Variants in BRINP3 observed in about 807,000 individuals in gnomAD.
BRINP3 encodes BMP/retinoic acid-inducible neural-specific protein 3.
Under a neutral mutation model 71.0 loss-of-function variants are expected in BRINP3, and 19 were observed. The ratio of observed to expected loss-of-function variants is 0.27; its 90% CI spans 0.19 to 0.39. BRINP3 has a LOEUF of 0.39. Among genes scored for constraint, BRINP3 ranks in the 10% least tolerant of loss-of-function variants. The pLI, the probability that BRINP3 is intolerant of heterozygous loss-of-function variation, is 1.00. For synonymous variants in BRINP3, 380 were observed against 337.7 expected (o/e 1.13, Z -1.37); for missense variants, 959 against 940.8 (o/e 1.02, Z -0.25).
intron 4 of BRINP3, among the ~76,000 whole-genome samples, chr1:190,250,977 G>A (rs536164238): frequency 8.0e-4 from 121 of 152,018 alleles, no homozygotes; most frequent in African/African-American, 2.8e-3. Flanking sequence ...AACAATTTGG[G>A]TGGTGAAGAT....
chr1:190,117,636 A>C (rs1653260870), intron 7 of BRINP3, among the ~76,000 whole-genome samples: 1 of 152,050 alleles, frequency 6.6e-6, no homozygotes, highest in Non-Finnish European at 1.5e-5. Flanking sequence ...TTCAGTGTAT[A>C]TCCTCAAATT....
intron 2 of BRINP3, among the ~76,000 whole-genome samples, chr1:190,317,795 T>A (rs1665985116): frequency 6.6e-6 from 1 of 152,160 alleles, no homozygotes; most frequent in Non-Finnish European, 1.5e-5. Flanking sequence ...TTTTACTTTA[T>A]CTCCTTCTTG....
intron 6 of BRINP3, among the ~76,000 whole-genome samples, chr1:190,221,279 G>T (rs1656869288): frequency 6.6e-6 from 1 of 152,078 alleles, no homozygotes; most frequent in African/African-American, 2.4e-5. Context: ...TGGGTGAGTG[G>T]AGTTAAAGTG....
chr1:190,387,905 T>C (rs1419423042), intron 2 of BRINP3, among the ~76,000 whole-genome samples: 3 of 151,838 alleles, frequency 2.0e-5, no homozygotes, highest in Non-Finnish European at 4.4e-5. Flanking sequence ...TCCTTTGAAT[T>C]CTAATAAATT....
intron 7 of BRINP3, among the ~76,000 whole-genome samples, chr1:190,099,418 A>G (rs1291254863): frequency 2.0e-5 from 3 of 152,196 alleles, no homozygotes; most frequent in African/African-American, 7.2e-5. Context: ...TAAATATGTG[A>G]TATCTTCTAA....
chr1:190,193,508 C>A (rs935774178), intron 6 of BRINP3, among the ~76,000 whole-genome samples: 2 of 151,854 alleles, frequency 1.3e-5, no homozygotes, highest in Non-Finnish European at 1.5e-5. Context: ...GAAAAATGCC[C>A]CTCCCCAAAA....
At chr1:190,267,538 T>G (rs1161197697) in intron 3 of BRINP3, among the ~76,000 whole-genome samples, 1 of 151,802 alleles carries the variant, frequency 6.6e-6, no homozygotes, top group Non-Finnish European at 1.5e-5. Context: ...AAAAAAATGA[T>G]AAAAAAGCTT....
At chr1:190,289,687 GT>G (rs1278571122) in intron 2 of BRINP3, among the ~76,000 whole-genome samples, 1 of 151,854 alleles carries the variant, frequency 6.6e-6, no homozygotes, top group East Asian at 1.9e-4. Context: ...CAAGCACTTG[GT>G]CTTACCATCT....
chr1:190,210,428 C>A (rs1471725106), intron 6 of BRINP3, among the ~76,000 whole-genome samples: 2 of 151,970 alleles, frequency 1.3e-5, no homozygotes, highest in Admixed American at 1.3e-4. Context: ...TAAACTGAAT[C>A]TTTGAGTGAA....
intron 2 of BRINP3, among the ~76,000 whole-genome samples, chr1:190,336,739 T>A (rs1042762031): frequency 6.6e-6 from 1 of 151,980 alleles, no homozygotes; most frequent in Non-Finnish European, 1.5e-5. Context: ...TACTAAGTAA[T>A]ATTCCACTAA....
chr1:190,310,105 T>A (rs1410099767), intron 2 of BRINP3, among the ~76,000 whole-genome samples: 1 of 97,824 alleles, frequency 1.0e-5, no homozygotes, highest in Non-Finnish European at 1.8e-5. Flanking sequence ...TGGTTGTTGT[T>A]TTTTTTTTTT....
intron 2 of BRINP3, among the ~76,000 whole-genome samples, chr1:190,350,721 A>C (rs771031062): frequency 5.9e-5 from 9 of 152,070 alleles, no homozygotes; most frequent in Non-Finnish European, 1.2e-4. Context: ...AACCCAAATG[A>C]CATAGCAGGC....
chr1:190,370,491 CA>C (rs1390552129), intron 2 of BRINP3, among the ~76,000 whole-genome samples: 1 of 151,910 alleles, frequency 6.6e-6, no homozygotes, highest in Non-Finnish European at 1.5e-5. Context: ...AATCTATCAT[CA>C]AAAAAATATA....
intron 6 of BRINP3, among the ~76,000 whole-genome samples, chr1:190,186,349 G>A (rs1434261003): frequency 6.6e-6 from 1 of 151,948 alleles, no homozygotes; most frequent in East Asian, 1.9e-4. Context: ...CCAGGGCAAC[G>A]AGAGTGAAAC....
At chr1:190,106,417 A>G (rs560142436) in intron 7 of BRINP3, among the ~76,000 whole-genome samples, 1 of 151,872 alleles carries the variant, frequency 6.6e-6, no homozygotes, top group African/African-American at 2.4e-5. Context: ...TCTCTGCATT[A>G]TGAATTCAAA....
chr1:190,124,345 G>A (rs1303322265), intron 7 of BRINP3, among the ~76,000 whole-genome samples: 1 of 152,044 alleles, frequency 6.6e-6, no homozygotes, highest in Non-Finnish European at 1.5e-5. Flanking sequence ...TATGGCTTCC[G>A]GTGAGAAATA....
intron 2 of BRINP3, among the ~76,000 whole-genome samples, chr1:190,399,921 A>G (rs949358782): frequency 6.6e-6 from 1 of 151,954 alleles, no homozygotes; most frequent in Non-Finnish European, 1.5e-5. Flanking sequence ...TTAAATTTAT[A>G]TAACTAAGAA....
intron 6 of BRINP3, among the ~76,000 whole-genome samples, chr1:190,169,914 G>A (rs1439585668): frequency 6.6e-6 from 1 of 152,046 alleles, no homozygotes; most frequent in Non-Finnish European, 1.5e-5. Context: ...TAGGAGGTGG[G>A]TCCCATTATA....
intron 6 of BRINP3, among the ~76,000 whole-genome samples, chr1:190,225,054 A>G (rs1480545082): frequency 2.0e-5 from 3 of 151,934 alleles, no homozygotes; most frequent in Admixed American, 1.3e-4. Flanking sequence ...TAGAGCCACT[A>G]AGGAGAACTC....
Sources: allele counts gnomAD v4.1 joint callset (sites outside exome capture counted in the v4.1 genomes callset), GRCh38; gene constraint gnomAD v4.1.1; transcripts MANE v1.5; gene names NCBI Gene and HGNC (gene_info 2026-07-23, HGNC 2026-07-21).